The following TLL1 variants were observed in gnomAD, a reference collection of about 807,000 sequenced individuals.
TLL1 encodes the protein tolloid-like protein 1.
In TLL1, 49 loss-of-function variants were observed where a neutral mutation model predicts 128.2. The observed-to-expected ratio is 0.38, with a 90% CI of 0.30 to 0.48. TLL1 has a LOEUF of 0.48. TLL1 is among the 20% of genes least tolerant of loss of function. The probability of loss-of-function intolerance (pLI) is 0.96; values close to 1 mark genes in which losing one functional copy is unlikely to be tolerated. For missense variants in TLL1, 1,123 were observed against 1,242.0 expected, an observed-to-expected ratio of 0.90 and a Z score of 1.44; for synonymous variants, 454 against 418.8, an observed-to-expected ratio of 1.08 and a Z score of -1.03.
At chr4:165,930,598 C>G (rs1316399454) in intron 1 of TLL1, among the ~76,000 whole-genome samples, 1 of 152,100 alleles carries the variant, frequency 6.6e-6, no homozygotes, top group South Asian at 2.1e-4. Flanking sequence ...AAAATATGTA[C>G]TATCTGGCTC....
In TLL1 at chr4:165,935,884, A is replaced by G. The variant is rs78622755; in HGVS notation, c.170-53497A>G. On this transcript the variant is annotated intron_variant, in intron 1 of 20. Transcript: ENST00000061240. ...CTAGGTGTTACTGACTTGGAAACTT[A>G]TAATGCATTCAACCTGTTCCTCTTT... is the stretch of plus-strand genomic sequence containing the variant. Among the ~76,000 whole-genome samples, 11 of 152,298 alleles carry G rather than the reference A, an allele frequency of 7.2e-5. No homozygotes were observed. In the East Asian group the frequency reaches 1.9e-3, roughly 27 times the overall value.
chr4:166,095,814 C>A (rs1049169637), intron 19 of TLL1, among the ~76,000 whole-genome samples: 7 of 152,084 alleles, frequency 4.6e-5, no homozygotes, highest in Non-Finnish European at 1.0e-4. Flanking sequence ...TCTGTAAGAA[C>A]CGCTTTGGCA....
intron 1 of TLL1, among the ~76,000 whole-genome samples, chr4:165,941,734 A>G (rs1230033051): frequency 6.6e-6 from 1 of 152,142 alleles, no homozygotes; most frequent in Non-Finnish European, 1.5e-5. Flanking sequence ...TACAAGGACA[A>G]AATCCTATAA....
intron 1 of TLL1, among the ~76,000 whole-genome samples, chr4:165,888,302 T>C (rs773773762): frequency 6.6e-6 from 1 of 152,190 alleles, no homozygotes; most frequent in African/African-American, 2.4e-5. Context: ...ATTCTGTGTT[T>C]ACTAAAAATG....
At chr4:165,881,304 C>T (rs533817474) in intron 1 of TLL1, among the ~76,000 whole-genome samples, 1 of 152,150 alleles carries the variant, frequency 6.6e-6, no homozygotes, top group Non-Finnish European at 1.5e-5. Flanking sequence ...TACATTTTTG[C>T]ATTAAAAAAT....
rs1247598148 is a variant in TLL1 at position 166,057,296 on chromosome 4, A to G, written c.1833A>G (p.Arg611=). ...CEPGYELGPD[R]RSCEAACGGL... is the part of the protein sequence containing the mutation. ...CTGGCTATGAGCTGGGCCCAGACAGAAGGAGCTGTGAAGGTATGACTGCAC... is the reference window on the plus strand; with the variant it reads ...CTGGCTATGAGCTGGGCCCAGACAGGAGGAGCTGTGAAGGTATGACTGCAC... The change falls in exon 14 of 21, where the codon AGA becomes AGG. Residue 611 remains arginine (R), a synonymous_variant. Transcript: ENST00000061240. The G allele has an allele frequency of 2.5e-6, 4 of 1,613,700 alleles. No homozygotes were observed. In the Admixed American group the frequency reaches 5.0e-5, roughly 20 times the overall value.
At chr4:165,889,280 C>G (rs1731293072) in intron 1 of TLL1, among the ~76,000 whole-genome samples, 1 of 152,158 alleles carries the variant, frequency 6.6e-6, no homozygotes, top group Non-Finnish European at 1.5e-5. Context: ...AAGGTCCTCT[C>G]TGAAAATATA....
chr4:166,056,729 C>T (rs1740024821), intron 13 of TLL1, among the ~76,000 whole-genome samples: 1 of 152,122 alleles, frequency 6.6e-6, no homozygotes, highest in African/African-American at 2.4e-5. Flanking sequence ...CCTCATTTGA[C>T]TTCAAATTCA....
intron 1 of TLL1, among the ~76,000 whole-genome samples, chr4:165,885,154 G>T (rs1731112489): frequency 6.6e-6 from 1 of 152,080 alleles, no homozygotes; most frequent in South Asian, 2.1e-4. Context: ...AAACAAACTA[G>T]ACTGGTAGTC....
At chr4:165,915,638 C>A (rs2110879650) in intron 1 of TLL1, among the ~76,000 whole-genome samples, 1 of 152,270 alleles carries the variant, frequency 6.6e-6, no homozygotes, top group Admixed American at 6.5e-5. Context: ...GAGGGAGGAG[C>A]AGGGCTAGCC....
chr4:165,935,957 G>C (rs1381328498), intron 1 of TLL1, among the ~76,000 whole-genome samples: 2 of 151,370 alleles, frequency 1.3e-5, no homozygotes, highest in African/African-American at 2.4e-5. Context: ...AATCAGAGTT[G>C]AGTTAATCTC....
At chr4:166,028,261 C>T (rs1738597715) in intron 9 of TLL1, among the ~76,000 whole-genome samples, 1 of 152,044 alleles carries the variant, frequency 6.6e-6, no homozygotes, top group African/African-American at 2.4e-5. Flanking sequence ...TTCAATTCTA[C>T]TTTTTTCTAT....
intron 6 of TLL1, among the ~76,000 whole-genome samples, chr4:166,005,715 A>G (rs937376509): frequency 5.3e-5 from 8 of 151,494 alleles, no homozygotes; most frequent in Admixed American, 6.6e-5. Flanking sequence ...TGCTGTTACC[A>G]AGAATTATTC....
At chr4:166,094,765 A>G (rs1315864734) in intron 19 of TLL1, among the ~76,000 whole-genome samples, 1 of 152,024 alleles carries the variant, frequency 6.6e-6, no homozygotes, top group Non-Finnish European at 1.5e-5. Context: ...GTTACTTTCT[A>G]GTAGTCATAC....
chr4:166,065,747 A>G lies in TLL1; in HGVS notation c.2072A>G (p.Lys691Arg). 1 of 1,613,150 alleles carries G rather than the reference A, an allele frequency of 6.2e-7. No individual in the cohort carries two copies. Among genetic ancestry groups the G allele is most frequent in the East Asian group, 2.2e-5 (1 of 44,820 alleles). The change falls in exon 16 of 21, where the codon AAA becomes AGA. Residue 691 changes from lysine (K) to arginine (R), a missense_variant. By Grantham distance (26) the Lys-to-Arg change is conservative (BLOSUM62 2). Coordinates refer to ENST00000061240, the MANE Select transcript of TLL1 (RefSeq NM_012464.5). Reference protein sequence around the residue: ...GLSSESKLHGKFCGAEVPEVI... With the variant: ...GLSSESKLHGRFCGAEVPEVI... ...TCCTCTGAGTCTAAACTGCATGGCA[A>G]ATTCTGTGGCGCTGAAGTGCCTGAA...
At position 166,102,036 on chromosome 4, in the gene TLL1, C is replaced by T. The variant is rs144687514; in HGVS notation, c.*1160C>T. 390 of 152,482 alleles carry T rather than the reference C, an allele frequency of 2.6e-3. 6 individuals are homozygous for T. Among genetic ancestry groups the T allele is most frequent in the South Asian group, 4.1e-4 (2 of 4,820 alleles). 9.4% of individuals were successfully genotyped at this position (152,482 alleles called of 1,614,324 possible). Reference sequence around the variant, plus strand: ...TTTGAGCCAACCCACCCGTAGACTACGAATGTCTCCCTATGGCTGGTAGCA... The same window carrying T: ...TTTGAGCCAACCCACCCGTAGACTATGAATGTCTCCCTATGGCTGGTAGCA... On this transcript the variant is annotated 3_prime_UTR_variant, in exon 21 of 21. Transcript: ENST00000061240.
At chr4:166,014,657 C>T in intron 8 of TLL1, 97 bp downstream of exon 8, 1 of 1,571,506 alleles carries the variant, frequency 6.4e-7, no homozygotes, top group South Asian at 1.1e-5. Flanking sequence ...TTGTCTCCCT[C>T]CCTGTTGGCA....
intron 1 of TLL1, among the ~76,000 whole-genome samples, chr4:165,899,781 A>G (rs547018190): frequency 1.2e-3 from 190 of 152,256 alleles, no homozygotes; most frequent in African/African-American, 4.4e-3. Flanking sequence ...TATCCTTGAT[A>G]ATTTTCTGTC....
At chr4:166,073,258 T>G (rs961414683) in intron 16 of TLL1, among the ~76,000 whole-genome samples, 9 of 152,168 alleles carry the variant, frequency 5.9e-5, no homozygotes, top group Non-Finnish European at 1.3e-4. Flanking sequence ...TGCAGGCAGC[T>G]GATACCATGG....
Sources: gnomAD v4.1 joint callset for allele counts (sites outside exome capture counted in the v4.1 genomes callset) on GRCh38, gnomAD v4.1.1 for gene constraint, MANE v1.5 for transcripts, NCBI Gene and HGNC (gene_info 2026-07-23, HGNC 2026-07-21) for gene names.